The following STEAP1 variants were observed in gnomAD, a reference collection of about 807,000 sequenced individuals.
The protein encoded by STEAP1 is STEAP family member 1.
STEAP1 carries 30 observed loss-of-function variants against 34.4 expected under a neutral mutation model. The observed-to-expected ratio is 0.87, with a 90% CI of 0.65 to 1.18. STEAP1 has a LOEUF of 1.18. Among genes scored for constraint, STEAP1 ranks in the 50% most tolerant of loss-of-function variants. STEAP1 has a pLI of 0.00. For missense variants in STEAP1, 318 were observed against 391.1 expected (o/e 0.81, Z 1.58); for synonymous variants, 116 against 135.3 (o/e 0.86, Z 0.99).
chr7:90,161,462 T>C (rs918961460), intron 3 of STEAP1, 145 bp downstream of exon 3: 3 of 1,053,716 alleles, frequency 2.8e-6, no homozygotes, highest in Non-Finnish European at 3.9e-6. Context: ...TTATTATAAT[T>C]ACACTAGGGC....
intron 2 of STEAP1, among the ~76,000 whole-genome samples, chr7:90,160,537 A>C (rs1327228174): frequency 1.3e-5 from 2 of 150,722 alleles, no homozygotes; most frequent in Non-Finnish European, 2.9e-5. Flanking sequence ...TATACTTTAT[A>C]AGAGTAACAA....
intron 1 of STEAP1, among the ~76,000 whole-genome samples, chr7:90,155,816 CT>C (rs944097038): frequency 6.6e-6 from 1 of 152,178 alleles, no homozygotes; most frequent in Non-Finnish European, 1.5e-5. Context: ...TCCAGGGCCA[CT>C]CTGGTTTTCC....
In STEAP1 at chr7:90,162,082, A is replaced by G. The variant is rs1468671868; in HGVS notation, c.762+4A>G. The G allele has an allele frequency of 6.3e-7, 1 of 1,591,710 alleles. No individual in the cohort carries two copies. The highest frequency in any genetic ancestry group is 1.8e-5 in the Admixed American group (1 of 54,958). On this transcript the variant is annotated splice_donor_region_variant and intron_variant, in intron 4 of 4. Coordinates refer to ENST00000297205, the MANE Select transcript of STEAP1 (RefSeq NM_012449.3). ...GAGAGAATTTCACTATATTCAGGTA[A>G]ATAATATATAAAATAACCCTAAGAG...
Position 90,164,692 on chromosome 7 carries a change from C to T in STEAP1, c.978C>T (p.Asp326=), listed in dbSNP as rs528089977. Residue 326 remains aspartate, a synonymous_variant, in exon 5 of 5, where the codon GAC becomes GAT. Coordinates refer to ENST00000297205, the MANE Select transcript of STEAP1 (RefSeq NM_012449.3). ...KILKIRHGWE[D]VTKINKTEIC... ...TGAAGATTAGACATGGTTGGGAAGACGTCACCAAAATTAACAAAACTGAGA... is the reference window on the plus strand; with the variant it reads ...TGAAGATTAGACATGGTTGGGAAGATGTCACCAAAATTAACAAAACTGAGA... 1.6e-5 allele frequency: 26 copies of T among 1,613,152 alleles called. No individual in the cohort carries two copies. The highest frequency in any genetic ancestry group is 8.9e-5 in the East Asian group (4 of 44,818).
At chr7:90,156,624 A>G (rs1203202746) in intron 1 of STEAP1, among the ~76,000 whole-genome samples, 1 of 152,216 alleles carries the variant, frequency 6.6e-6, no homozygotes, top group Non-Finnish European at 1.5e-5. Context: ...CATGCAAGGG[A>G]TCTAGGTTGT....
In STEAP1 at chr7:90,164,678, C is replaced by T; in HGVS notation, c.964C>T (p.His322Tyr). ...GAGGAAGAAGATACTGAAGATTAGA[C>T]ATGGTTGGGAAGACGTCACCAAAAT... ...CLRKKILKIR[H>Y]GWEDVTKINK... Residue 322 changes from histidine to tyrosine, a missense_variant, in exon 5 of 5, where the codon CAT becomes TAT. By Grantham distance (83) the His-to-Tyr change is moderately conservative. Coordinates refer to ENST00000297205, the MANE Select transcript of STEAP1 (RefSeq NM_012449.3). The T allele has an allele frequency of 6.2e-7, 1 of 1,613,594 alleles. No homozygotes were observed. Among genetic ancestry groups the T allele is most frequent in the Non-Finnish European group, 8.5e-7 (1 of 1,179,764 alleles).
chr7:90,159,985 G>T (rs1240767499), intron 2 of STEAP1, 113 bp downstream of exon 2: 2 of 678,332 alleles, frequency 2.9e-6, no homozygotes, highest in Non-Finnish European at 4.3e-6. Flanking sequence ...CTAGTCTGCT[G>T]ATATCTGGAC....
In STEAP1 at chr7:90,164,773, A is replaced by AT; in HGVS notation, c.*43dup. On this transcript the variant is annotated 3_prime_UTR_variant, in exon 5 of 5. Transcript: ENST00000297205. ...ACACATTTTTGTTCAATATTGATAT[A>AT]TTTTATCACCAACATTTCAAGTTTG... The AT allele has an allele frequency of 6.6e-7, 1 of 1,518,036 alleles. No individual in the cohort carries two copies. 94.0% of individuals were successfully genotyped at this position (1,518,036 alleles called of 1,614,324 possible). A position where few individuals can be genotyped will look rare whatever the true frequency, so the allele number is the denominator to read the frequency against.
intron 1 of STEAP1, among the ~76,000 whole-genome samples, chr7:90,156,050 C>A (rs1399242000): frequency 6.6e-6 from 1 of 152,206 alleles, no homozygotes; most frequent in Admixed American, 6.5e-5. Flanking sequence ...AGAGCAGAGG[C>A]TTTATCTCAT....
At chr7:90,154,985 T>C (rs1794102402) in intron 1 of STEAP1, among the ~76,000 whole-genome samples, 1 of 152,212 alleles carries the variant, frequency 6.6e-6, no homozygotes. Context: ...GAGGTTTTCA[T>C]TTTTAGTCCT....
intron 1 of STEAP1, among the ~76,000 whole-genome samples, chr7:90,156,690 C>T (rs1794123355): frequency 6.6e-6 from 1 of 152,188 alleles, no homozygotes; most frequent in Non-Finnish European, 1.5e-5. Context: ...AACAGTTTCA[C>T]CTCAAAACCC....
chr7:90,158,335 T>G (rs1326260604), intron 1 of STEAP1, among the ~76,000 whole-genome samples: 1 of 152,250 alleles, frequency 6.6e-6, no homozygotes, highest in Admixed American at 6.5e-5. Context: ...CTTTATTAAC[T>G]TATTGTTTTT....
intron 3 of STEAP1, 113 bp downstream of exon 3, chr7:90,161,430 A>G (rs1340794503): frequency 1.2e-5 from 15 of 1,274,624 alleles, no homozygotes; most frequent in Non-Finnish European, 1.6e-5. Context: ...CTGTGTTGAA[A>G]AAGTCATCTA....
intron 3 of STEAP1, among the ~76,000 whole-genome samples, chr7:90,161,572 T>C (rs1042565842): frequency 5.9e-5 from 9 of 152,166 alleles, no homozygotes; most frequent in African/African-American, 2.2e-4. Context: ...GACGAGGCCA[T>C]ATTTCAAACT....
rs776350036 is a variant in STEAP1, at chr7:90,160,846, G to A, written c.126G>A (p.Val42=). The A allele has an allele frequency of 1.9e-6, 3 of 1,614,000 alleles. No individual in the cohort carries two copies. Among genetic ancestry groups the A allele is most frequent in the South Asian group, 1.1e-5 (1 of 91,078 alleles). The change falls in exon 3 of 5, where the codon GTG becomes GTA. Residue 42 remains valine (V), a synonymous_variant. Transcript: ENST00000297205. ...AGACCAGCATGCTAAAAAGACCTGT[G>A]CTTTTGCATTTGCACCAAACAGCCC... ...TGETSMLKRP[V]LLHLHQTAHA...
At chr7:90,154,619 C>A (rs1300976830) in intron 1 of STEAP1, 76 bp downstream of exon 1, 1 of 152,628 alleles carries the variant, frequency 6.6e-6, no homozygotes, top group Admixed American at 6.5e-5. Context: ...GCTGGGCGCC[C>A]GCTCCCAGTC....
intron 1 of STEAP1, among the ~76,000 whole-genome samples, 189 bp downstream of exon 1, chr7:90,154,732 G>T (rs17862108): frequency 6.6e-6 from 1 of 152,134 alleles, no homozygotes; most frequent in Non-Finnish European, 1.5e-5. Flanking sequence ...TCTGGGGCGC[G>T]CTGCCTTCCA....
chr7:90,156,444 C>T (rs1414997679), intron 1 of STEAP1, among the ~76,000 whole-genome samples: 1 of 152,170 alleles, frequency 6.6e-6, no homozygotes, highest in Non-Finnish European at 1.5e-5. Context: ...TGCAGGGGTA[C>T]CCAACCCCGT....
chr7:90,157,919 A>G (rs1411098759), intron 1 of STEAP1, among the ~76,000 whole-genome samples: 2 of 152,142 alleles, frequency 1.3e-5, no homozygotes, highest in Non-Finnish European at 2.9e-5. Flanking sequence ...TACTTACATA[A>G]ACTTAGATGG....
Sources: gnomAD v4.1 joint callset for allele counts (sites outside exome capture counted in the v4.1 genomes callset) on GRCh38, gnomAD v4.1.1 for gene constraint, MANE v1.5 for transcripts, NCBI Gene and HGNC (gene_info 2026-07-23, HGNC 2026-07-21) for gene names.